Variants in DIS3L observed in about 807,000 individuals in gnomAD.
DIS3L encodes DIS3-like exonuclease 1.
Under a neutral mutation model 120.3 loss-of-function variants are expected in DIS3L, and 100 were observed. The ratio of observed to expected loss-of-function variants is 0.83; its 90% CI spans 0.71 to 0.98. The LOEUF is 0.98. Ranked by LOEUF, DIS3L falls within the 50% of genes least tolerant of loss-of-function variation. The probability of loss-of-function intolerance (pLI) is 0.00; values close to 1 mark genes in which losing one functional copy is unlikely to be tolerated. For missense variants in DIS3L, 1,196 were observed against 1,314.2 expected (o/e 0.91, Z 1.39); for synonymous variants, 426 against 470.6 (o/e 0.91, Z 1.23).
intron 12 of DIS3L, among the ~76,000 whole-genome samples, chr15:66,328,320 A>G (rs2092960329): frequency 6.6e-6 from 1 of 152,142 alleles, no homozygotes; most frequent in Non-Finnish European, 1.5e-5. Flanking sequence ...TCCCTTAGCC[A>G]GCCACAATAT....
chr15:66,320,506 A>C, intron 8 of DIS3L, 65 bp from the exon 9 acceptor site: 1 of 1,514,584 alleles, frequency 6.6e-7, no homozygotes, highest in African/African-American at 1.4e-5. Context: ...TGTTTGTTTG[A>C]TGCCTCTAAT....
At chr15:66,325,785 C>G in intron 11 of DIS3L, 46 bp from the exon 12 acceptor site, 1 of 1,543,342 alleles carries the variant, frequency 6.5e-7, no homozygotes, top group Non-Finnish European at 8.7e-7. Context: ...CAAAAAAAGC[C>G]AGATGAATTT....
rs865900612 is a variant in DIS3L at position 66,320,461 on chromosome 15, G to A, written c.1165-110G>A. ...TACCATACACCACTATTTGCACCTG[G>A]CCACTCTCCTTGGAACCCAGTATTG... On this transcript the variant is annotated intron_variant, in intron 8 of 16. Transcript: ENST00000319212. The A allele has an allele frequency of 1.3e-5, 16 of 1,219,374 alleles. No homozygotes were observed. The Middle Eastern group carries it at 6.2e-4, about 47-fold the overall frequency. The allele number at this position is 1,219,374 out of a possible 1,614,324, so 75.5% of individuals were successfully genotyped here.
intron 14 of DIS3L, chr15:66,330,587 AAGTAGAAATTTGTCTC>A (rs2140417450): frequency 1.1e-5 from 11 of 974,300 alleles, no homozygotes; most frequent in Non-Finnish European, 1.3e-5. Flanking sequence ...TTAAAATTAG[AAGTAGAAATTTGTCTC>A]AGTAGAAATT....
intron 2 of DIS3L, among the ~76,000 whole-genome samples, chr15:66,301,566 C>T (rs528934695): frequency 2.7e-4 from 41 of 152,278 alleles, no homozygotes; most frequent in African/African-American, 9.9e-4. Context: ...CAAGCATGAG[C>T]CACCACACCT....
intron 2 of DIS3L, among the ~76,000 whole-genome samples, chr15:66,304,601 TTTA>T (rs2092683251): frequency 6.6e-6 from 1 of 152,170 alleles, no homozygotes; most frequent in African/African-American, 2.4e-5. Context: ...AATCCCTTTG[TTTA>T]TTAAGATATT....
intron 7 of DIS3L, among the ~76,000 whole-genome samples, chr15:66,316,810 G>A (rs1384114396): frequency 1.3e-5 from 2 of 152,058 alleles, no homozygotes; most frequent in Non-Finnish European, 2.9e-5. Context: ...GCAAGACATT[G>A]TCTCAAAAAA....
chr15:66,301,625 G>A (rs901523303), intron 2 of DIS3L, among the ~76,000 whole-genome samples: 1 of 152,130 alleles, frequency 6.6e-6, no homozygotes, highest in African/African-American at 2.4e-5. Flanking sequence ...CATTCTGGTC[G>A]AATTCGCTTA....
rs2093022514 is a variant in DIS3L, at chr15:66,333,270, G to A, written c.3123G>A (p.Arg1041=). The part of the protein sequence containing the change: ...RSLYTLLEEI[R]DLALLDVSNN... ...TATACACACTTCTAGAGGAGATACGGGACCTAGCTCTCCTGGATGTTTCAA... is the reference window on the plus strand; with the variant it reads ...TATACACACTTCTAGAGGAGATACGAGACCTAGCTCTCCTGGATGTTTCAA... Residue 1041 remains arginine (R), a synonymous_variant, in exon 17 of 17, where the codon CGG becomes CGA. Coordinates refer to ENST00000319212, the MANE Select transcript of DIS3L (RefSeq NM_001143688.3). 6.2e-7 allele frequency: 1 copy of A among 1,611,822 alleles called. No homozygotes were observed. Among genetic ancestry groups the A allele is most frequent in the African/African-American group, 1.3e-5 (1 of 74,804 alleles).
intron 2 of DIS3L, among the ~76,000 whole-genome samples, chr15:66,304,770 G>A (rs1398753598): frequency 6.6e-6 from 1 of 151,294 alleles, no homozygotes; most frequent in African/African-American, 2.4e-5. Context: ...GCATGGTGGC[G>A]GGCTCCTGTA....
intron 7 of DIS3L, among the ~76,000 whole-genome samples, chr15:66,316,887 G>A (rs567481518): frequency 7.9e-5 from 12 of 152,278 alleles, no homozygotes; most frequent in Middle Eastern, 3.4e-3. Context: ...CTCAATGGCT[G>A]GTTCCTGTTT....
chr15:66,320,278 TTAACTAGAATATATTA>T (rs1476981335), intron 8 of DIS3L, among the ~76,000 whole-genome samples: 7 of 152,262 alleles, frequency 4.6e-5, no homozygotes, highest in Admixed American at 2.0e-4. Flanking sequence ...TATATTACAG[TTAACTAGAATATATTA>T]CGGCTCTCTT....
intron 12 of DIS3L, among the ~76,000 whole-genome samples, chr15:66,328,216 A>G (rs759476059): frequency 1.3e-5 from 2 of 152,244 alleles, no homozygotes; most frequent in Non-Finnish European, 2.9e-5. Context: ...CAAGATTTGA[A>G]TCCAAGTCTG....
chr15:66,311,188 C>T (rs984620832), intron 4 of DIS3L, among the ~76,000 whole-genome samples: 1 of 151,742 alleles, frequency 6.6e-6, no homozygotes, highest in Non-Finnish European at 1.5e-5. Context: ...CATAGTGAGA[C>T]CTCATCTCTA....
chr15:66,329,460 A>G (rs1359071743), intron 14 of DIS3L, 61 bp downstream of exon 14: 17 of 1,539,200 alleles, frequency 1.1e-5, no homozygotes, highest in Non-Finnish European at 1.4e-5. Flanking sequence ...TATCAGCTTT[A>G]TTGTGTAGTA....
At position 66,326,050 on chromosome 15, in the gene DIS3L, TGGAAA is replaced by T. The variant is rs1287131991; in HGVS notation, c.1889_1893del (p.Gly630AlafsTer11). The T allele has an allele frequency of 6.2e-7, 1 of 1,613,846 alleles. No individual in the cohort carries two copies. The highest frequency in any genetic ancestry group is 8.5e-7 in the Non-Finnish European group (1 of 1,179,908). On this transcript the variant is annotated frameshift_variant, in exon 12 of 17. Transcript: ENST00000319212. LOFTEE classifies it high-confidence loss of function. ...AGCTGGAGGAGTTGGTGTGGGCAAT[TGGAAA>T]GCTGACCGACATAGCTCGCCATGTC...
At chr15:66,306,707 G>A (rs1159074168) in intron 2 of DIS3L, 117 bp from the exon 3 acceptor site, 2 of 1,413,402 alleles carry the variant, frequency 1.4e-6, no homozygotes, top group Non-Finnish European at 1.9e-6. Flanking sequence ...TGTTCTTCAG[G>A]TTTAAAGTAA....
Position 66,320,738 on chromosome 15 carries a change from A to G in DIS3L, c.1326+6A>G. ...TTCCTTTCTCAGAAGCTCAGGTCAG[A>G]TTTTCCAGAAGGCTTTGATCTAGTG... On this transcript the variant is annotated splice_donor_region_variant and intron_variant, in intron 9 of 16. Transcript: ENST00000319212. 1 of 1,609,808 alleles carries G rather than the reference A, an allele frequency of 6.2e-7. No individual in the cohort carries two copies. Among genetic ancestry groups the G allele is most frequent in the Non-Finnish European group, 8.5e-7 (1 of 1,178,444 alleles).
In DIS3L at chr15:66,315,225, C is replaced by T; in HGVS notation, c.994+10C>T. 1 of 1,593,348 alleles carries T rather than the reference C, an allele frequency of 6.3e-7. No individual in the cohort carries two copies. Among genetic ancestry groups the T allele is most frequent in the Admixed American group, 1.7e-5 (1 of 58,796 alleles). On this transcript the variant is annotated intron_variant, in intron 7 of 16. Transcript: ENST00000319212. Reference sequence around the variant, plus strand: ...GAGCCCATGCCTACAGGTGAGCCAGCTGCAGAGCCACTCCGATGTCCATTT... The same window carrying T: ...GAGCCCATGCCTACAGGTGAGCCAGTTGCAGAGCCACTCCGATGTCCATTT...
Sources: gnomAD v4.1 joint callset for allele counts (sites outside exome capture counted in the v4.1 genomes callset) on GRCh38, gnomAD v4.1.1 for gene constraint, MANE v1.5 for transcripts, NCBI Gene and HGNC (gene_info 2026-07-23, HGNC 2026-07-21) for gene names.